Variants in MAPK4 observed in about 807,000 individuals in gnomAD.
MAPK4 encodes the protein mitogen-activated protein kinase 4, also known as Erk3-related.
A neutral mutation model predicts 47.7 loss-of-function variants in MAPK4; 22 were observed. That is an observed-to-expected ratio of 0.46 (90% CI 0.33 to 0.66). The LOEUF is 0.66. MAPK4 is among the 30% of genes least tolerant of loss of function. The pLI is 0.02. For synonymous variants in MAPK4, 390 were observed against 365.7 expected (o/e 1.07, Z -0.76); for missense variants, 736 against 831.7 (o/e 0.88, Z 1.42).
intron 2 of MAPK4, among the ~76,000 whole-genome samples, chr18:50,699,598 A>C (rs1226301460): frequency 6.6e-6 from 1 of 152,208 alleles, no homozygotes; most frequent in Non-Finnish European, 1.5e-5. Context: ...GATATTTGGC[A>C]ATTTGTCAAT....
intron 1 of MAPK4, among the ~76,000 whole-genome samples, chr18:50,655,432 G>A (rs972167312): frequency 1.7e-4 from 24 of 145,202 alleles, no homozygotes. Flanking sequence ...GTAGCCCAAG[G>A]TTGGCATCAT....
At chr18:50,628,309 G>A (rs1041690031) in intron 1 of MAPK4, among the ~76,000 whole-genome samples, 16 of 152,152 alleles carry the variant, frequency 1.1e-4, no homozygotes, top group East Asian at 1.9e-4. Context: ...ACATCTGATC[G>A]CTTTAGGAGG....
chr18:50,684,466 AG>A (rs1908754733), intron 2 of MAPK4, among the ~76,000 whole-genome samples: 1 of 151,658 alleles, frequency 6.6e-6, no homozygotes, highest in Non-Finnish European at 1.5e-5. Context: ...GGATCACCTG[AG>A]CCCATGAGTT....
At chr18:50,682,820 A>G (rs1376164027) in intron 2 of MAPK4, among the ~76,000 whole-genome samples, 1 of 152,234 alleles carries the variant, frequency 6.6e-6, no homozygotes, top group Non-Finnish European at 1.5e-5. Context: ...ACCAAAACCT[A>G]AAAGCTACCC....
At chr18:50,711,876 G>A (rs1226375399) in intron 2 of MAPK4, among the ~76,000 whole-genome samples, 2 of 141,316 alleles carry the variant, frequency 1.4e-5, no homozygotes, top group Non-Finnish European at 3.0e-5. Context: ...CCATCCACTC[G>A]ACTGCAACTC....
intron 1 of MAPK4, among the ~76,000 whole-genome samples, chr18:50,611,707 A>G (rs2042636651): frequency 6.6e-6 from 1 of 152,188 alleles, no homozygotes; most frequent in African/African-American, 2.4e-5. Context: ...TTGCAGAGAA[A>G]GATAAAATGG....
At chr18:50,565,138 A>T (rs1305694166) in intron 1 of MAPK4, among the ~76,000 whole-genome samples, 4 of 152,238 alleles carry the variant, frequency 2.6e-5, no homozygotes, top group Non-Finnish European at 5.9e-5. Context: ...AGCTAAGAGA[A>T]TGTTCTCAAA....
At chr18:50,623,633 G>A (rs565581165) in intron 1 of MAPK4, among the ~76,000 whole-genome samples, 54 of 152,096 alleles carry the variant, frequency 3.6e-4, no homozygotes, top group Non-Finnish European at 6.0e-4. Flanking sequence ...CTGTCTCCCT[G>A]TTCCAATTAT....
chr18:50,640,272 G>T (rs1268423336), intron 1 of MAPK4, among the ~76,000 whole-genome samples: 2 of 151,846 alleles, frequency 1.3e-5, no homozygotes, highest in African/African-American at 4.8e-5. Context: ...CATATCAACA[G>T]CATGGCTATT....
At chr18:50,617,348 T>C (rs1485342744) in intron 1 of MAPK4, among the ~76,000 whole-genome samples, 2 of 152,198 alleles carry the variant, frequency 1.3e-5, no homozygotes, top group Non-Finnish European at 2.9e-5. Context: ...TTATTTAATT[T>C]TAATGCTGCA....
At chr18:50,645,962 G>T (rs1299384375) in intron 1 of MAPK4, among the ~76,000 whole-genome samples, 2 of 152,180 alleles carry the variant, frequency 1.3e-5, no homozygotes, top group Non-Finnish European at 2.9e-5. Flanking sequence ...GAAGGTAAAT[G>T]GGATCTATGT....
At chr18:50,570,410 C>A (rs1306470403) in intron 1 of MAPK4, among the ~76,000 whole-genome samples, 5 of 152,212 alleles carry the variant, frequency 3.3e-5, no homozygotes, top group African/African-American at 1.2e-4. Flanking sequence ...CCTACACTGT[C>A]CTGCAAAAGA....
intron 2 of MAPK4, among the ~76,000 whole-genome samples, chr18:50,713,912 C>T (rs1484360159): frequency 1.3e-5 from 2 of 152,134 alleles, no homozygotes; most frequent in East Asian, 3.9e-4. Flanking sequence ...TGAGGCTCTA[C>T]TCGGAGGAAA....
At chr18:50,689,357 C>T (rs942996697) in intron 2 of MAPK4, among the ~76,000 whole-genome samples, 12 of 147,928 alleles carry the variant, frequency 8.1e-5, no homozygotes, top group South Asian at 2.2e-4. Context: ...TCCGAGATTG[C>T]GCCATTGCAC....
At chr18:50,696,542 A>G (rs190327472) in intron 2 of MAPK4, among the ~76,000 whole-genome samples, 1 of 152,222 alleles carries the variant, frequency 6.6e-6, no homozygotes, top group Admixed American at 6.5e-5. Flanking sequence ...TGAAAAATGC[A>G]GCAGAACCTG....
chr18:50,583,315 C>T (rs183153947), intron 1 of MAPK4, among the ~76,000 whole-genome samples: 41 of 152,230 alleles, frequency 2.7e-4, no homozygotes, highest in Non-Finnish European at 3.8e-4. Flanking sequence ...CAGCCAGGTG[C>T]GGTGGCTCAC....
chr18:50,704,740 G>A, intron 2 of MAPK4: 1 of 398,610 alleles, frequency 2.5e-6, no homozygotes, highest in Non-Finnish European at 4.4e-6. Context: ...TGTGATGTTG[G>A]ACTATGTTGT....
intron 1 of MAPK4, among the ~76,000 whole-genome samples, chr18:50,612,459 G>A (rs568769882): frequency 3.3e-5 from 5 of 152,266 alleles, no homozygotes; most frequent in South Asian, 2.1e-4. Context: ...CCAGTATAGC[G>A]GGAGAGAAAG....
chr18:50,620,675 T>C (rs2042723844), intron 1 of MAPK4, among the ~76,000 whole-genome samples: 1 of 152,034 alleles, frequency 6.6e-6, no homozygotes, highest in African/African-American at 2.4e-5. Context: ...GAGGCCGAGG[T>C]GGGAGGATTG....
Sources: gnomAD v4.1 joint callset for allele counts (sites outside exome capture counted in the v4.1 genomes callset) on GRCh38, gnomAD v4.1.1 for gene constraint, MANE v1.5 for transcripts, NCBI Gene and HGNC (gene_info 2026-07-23, HGNC 2026-07-21) for gene names.